The following ARSF variants were observed in gnomAD, a reference collection of about 807,000 sequenced individuals.
ARSF encodes the protein arylsulfatase F.
Under a neutral mutation model 35.4 loss-of-function variants are expected in ARSF, and 33 were observed. That is an observed-to-expected ratio of 0.93 (90% CI 0.71 to 1.25). ARSF has a LOEUF of 1.25. ARSF is among the 50% of genes most tolerant of loss of function. The pLI is 0.00. For synonymous variants in ARSF, 222 were observed against 193.1 expected (o/e 1.15, Z -1.24); for missense variants, 501 against 480.2 (o/e 1.04, Z -0.40).
chrX:3,109,755 T>C (rs1004161386), intron 9 of ARSF, among the ~76,000 whole-genome samples: 1 of 112,262 alleles, frequency 8.9e-6, no homozygotes, highest in Non-Finnish European at 1.9e-5. Context: ...TATGACTTTT[T>C]AGTGATTACA....
chrX:3,093,742 G>C (rs148149568), intron 7 of ARSF, among the ~76,000 whole-genome samples: 3 of 111,427 alleles, frequency 2.7e-5, no homozygotes, highest in Non-Finnish European at 5.7e-5. Context: ...ATTTCCCTTT[G>C]GGTAGACACC....
At chrX:3,097,492 TC>T (rs2147533948) in intron 7 of ARSF, among the ~76,000 whole-genome samples, 1 of 111,725 alleles carries the variant, frequency 9.0e-6, no homozygotes, top group African/African-American at 3.2e-5. Flanking sequence ...ATTTTAAACA[TC>T]TTTTACAGAT....
At chrX:3,080,863 A>T (rs1381243060) in intron 4 of ARSF, 28 bp from the exon 5 acceptor site, 1 of 1,205,469 alleles carries the variant, frequency 8.3e-7, no homozygotes, top group Non-Finnish European at 1.1e-6. Context: ...ACACCTACTC[A>T]TTGTACTTTT....
intron 7 of ARSF, among the ~76,000 whole-genome samples, chrX:3,090,913 G>A (rs191703216): frequency 1.9e-5 from 2 of 107,659 alleles, no homozygotes; most frequent in East Asian, 2.9e-4. Context: ...GAGTGCACAT[G>A]TCTTTTTTTT....
chrX:3,097,820 C>T (rs898675395), intron 7 of ARSF, among the ~76,000 whole-genome samples: 5 of 111,147 alleles, frequency 4.5e-5, no homozygotes, highest in African/African-American at 1.6e-4. Flanking sequence ...CACCTGAGGT[C>T]GGGAGTTCGA....
chrX:3,056,692 A>T (rs1406316545), intron 1 of ARSF, among the ~76,000 whole-genome samples: 16 of 111,951 alleles, frequency 1.4e-4, no homozygotes, highest in African/African-American at 5.2e-4. Context: ...AACCTGAAAC[A>T]GATGGAGGCA....
chrX:3,059,040 G>T (rs2090030836), intron 1 of ARSF, among the ~76,000 whole-genome samples: 1 of 111,978 alleles, frequency 8.9e-6, no homozygotes, highest in South Asian at 3.8e-4. Flanking sequence ...CTGGAAGCTG[G>T]GAGGAGAGGA....
intron 9 of ARSF, among the ~76,000 whole-genome samples, chrX:3,108,410 T>C (rs2090423604): frequency 8.9e-6 from 1 of 112,191 alleles, no homozygotes; most frequent in African/African-American, 3.2e-5. Context: ...TAAAAAACTT[T>C]GAATTTTCCA....
Position 3,097,034 on chromosome X carries a change from C to A in ARSF, c.968-4053C>A, listed in dbSNP as rs1451259405. 2.7e-5 allele frequency among the ~76,000 whole-genome samples: 3 copies of A among 111,155 alleles called. No individual in the cohort carries two copies. The East Asian group carries it at 8.5e-4, about 31-fold the overall frequency. ...TGAGGAAGAGGTAAGGAAAGGTCCT[C>A]CCCTAGAAACTTCAGAGAGAGAGAG... On this transcript the variant is annotated intron_variant, in intron 7 of 10. Transcript: ENST00000381127.
intron 1 of ARSF, among the ~76,000 whole-genome samples, chrX:3,061,973 C>T (rs1392625152): frequency 1.3e-4 from 14 of 111,777 alleles, no homozygotes; most frequent in African/African-American, 1.9e-4. Flanking sequence ...CTACAGAACT[C>T]TCCACCCCAA....
At chrX:3,067,935 T>C in intron 1 of ARSF, 138 bp from the exon 2 acceptor site, 3 of 436,151 alleles carry the variant, frequency 6.9e-6, no homozygotes, top group Non-Finnish European at 1.2e-5. Context: ...AAAATCAATT[T>C]AAAAATGTCG....
At chrX:3,106,472 C>G (rs1344736682) in intron 9 of ARSF, among the ~76,000 whole-genome samples, 1 of 111,845 alleles carries the variant, frequency 8.9e-6, no homozygotes, top group Non-Finnish European at 1.9e-5. Context: ...ATCAGGCTCA[C>G]TGTCTATGAC....
At chrX:3,056,887 TG>T (rs759449284) in intron 1 of ARSF, among the ~76,000 whole-genome samples, 3 of 111,303 alleles carry the variant, frequency 2.7e-5, no homozygotes, top group African/African-American at 9.8e-5. Context: ...ACATTAAGCT[TG>T]TTGTCTGTGA....
At position 3,112,634 on chromosome X, in the gene ARSF, T is replaced by C. The variant is rs1406468828; in HGVS notation, c.*78T>C. 3.7e-5 allele frequency: 41 copies of C among 1,096,218 alleles called. No homozygotes were observed. Among genetic ancestry groups the C allele is most frequent in the Non-Finnish European group, 9.5e-6 (8 of 838,817 alleles). The allele number at this position is 1,096,218 out of a possible 1,213,427, so 90.3% of individuals were successfully genotyped here. ...ACAATCAGGCTACCAAAGGAAGCACTAACTTTGGTGCTTTCAAGTTGGCAA... is the reference window on the plus strand; with the variant it reads ...ACAATCAGGCTACCAAAGGAAGCACCAACTTTGGTGCTTTCAAGTTGGCAA... On this transcript the variant is annotated 3_prime_UTR_variant, in exon 11 of 11. Coordinates refer to ENST00000381127, the MANE Select transcript of ARSF (RefSeq NM_001201539.2).
intron 3 of ARSF, among the ~76,000 whole-genome samples, chrX:3,072,653 A>G (rs1362912783): frequency 1.8e-5 from 2 of 110,610 alleles, no homozygotes; most frequent in Non-Finnish European, 3.8e-5. Context: ...CCCTGAGTTT[A>G]TGTGTGTAAA....
At chrX:3,095,423 TATATA>T (rs1379922664) in intron 7 of ARSF, among the ~76,000 whole-genome samples, 1 of 108,297 alleles carries the variant, frequency 9.2e-6, no homozygotes, top group East Asian at 2.8e-4. Context: ...ATTATGTTCA[TATATA>T]ATATAAACAT....
intron 4 of ARSF, 111 bp from the exon 5 acceptor site, chrX:3,080,780 C>A: frequency 1.0e-6 from 1 of 975,500 alleles, no homozygotes; most frequent in South Asian, 2.3e-5. Context: ...AGCCCTACCT[C>A]CTAACCATTA....
Position 3,072,165 on chromosome X carries a change from G to A in ARSF, c.151G>A (p.Asp51Asn). The change falls in exon 3 of 11, where the codon GAC becomes AAC. Residue 51 changes from aspartate to asparagine, a missense_variant. Coordinates refer to ENST00000381127, the MANE Select transcript of ARSF (RefSeq NM_001201539.2). ...TGGAGATCTGGGCTGCTACGGCAAT[G>A]ACACCATGAGGTAAGGCGGTTTCAT... ...GIGDLGCYGN[D>N]TMRTPHIDRL... is the part of the protein sequence containing the mutation. 8.3e-7 allele frequency: 1 copy of A among 1,208,966 alleles called. No homozygotes were observed. Among genetic ancestry groups the A allele is most frequent in the South Asian group, 1.8e-5 (1 of 56,653 alleles).
intron 4 of ARSF, among the ~76,000 whole-genome samples, chrX:3,077,150 G>C (rs1464782712): frequency 8.9e-6 from 1 of 112,230 alleles, no homozygotes; most frequent in African/African-American, 3.2e-5. Context: ...GCTTCTCAGA[G>C]ATGCAAGATC....
Sources: gnomAD v4.1 joint callset for allele counts (sites outside exome capture counted in the v4.1 genomes callset) on GRCh38, gnomAD v4.1.1 for gene constraint, MANE v1.5 for transcripts, NCBI Gene and HGNC (gene_info 2026-07-23, HGNC 2026-07-21) for gene names.